IMMP2L: variants seen among roughly 807,000 people sequenced by gnomAD.
The protein encoded by IMMP2L is inner mitochondrial membrane peptidase subunit 2, also known as mitochondrial inner membrane protease subunit 2.
In IMMP2L, 18 loss-of-function variants were observed where a neutral mutation model predicts 19.3. That is an observed-to-expected ratio of 0.93 (90% CI 0.64 to 1.38). IMMP2L has a LOEUF of 1.38. Ranked by LOEUF, IMMP2L falls within the 40% of genes most tolerant of loss-of-function variation. IMMP2L has a pLI of 0.00. For missense variants in IMMP2L, 233 were observed against 218.2 expected (o/e 1.07, Z -0.43); for synonymous variants, 76 against 73.0 (o/e 1.04, Z -0.21).
intron 4 of IMMP2L, among the ~76,000 whole-genome samples, chr7:110,907,794 A>G (rs1812627908): frequency 6.6e-6 from 1 of 152,210 alleles, no homozygotes; most frequent in South Asian, 2.1e-4. Flanking sequence ...AATGTTTTAA[A>G]TGAAGGAGTA....
chr7:111,280,223 A>G (rs1359483661), intron 3 of IMMP2L, among the ~76,000 whole-genome samples: 4 of 152,112 alleles, frequency 2.6e-5, no homozygotes, highest in Non-Finnish European at 5.9e-5. Context: ...TTTTACAAGC[A>G]TGCCAAGCTC....
At chr7:110,952,666 G>A (rs1325682372) in intron 4 of IMMP2L, among the ~76,000 whole-genome samples, 1 of 152,136 alleles carries the variant, frequency 6.6e-6, no homozygotes, top group Non-Finnish European at 1.5e-5. Flanking sequence ...ATGTGGATAA[G>A]GATAAAGCTG....
At chr7:111,023,217 G>A (rs1032930296) in intron 3 of IMMP2L, among the ~76,000 whole-genome samples, 1 of 152,122 alleles carries the variant, frequency 6.6e-6, no homozygotes. Context: ...TAATGTAAGG[G>A]ATTATTGAAA....
chr7:111,404,932 A>C (rs747201942), intron 3 of IMMP2L, among the ~76,000 whole-genome samples: 2 of 152,066 alleles, frequency 1.3e-5, no homozygotes, highest in Non-Finnish European at 2.9e-5. Context: ...CTTAATTCCT[A>C]CTTCACCTTG....
At chr7:111,105,777 A>G (rs1029333169) in intron 3 of IMMP2L, among the ~76,000 whole-genome samples, 35 of 151,930 alleles carry the variant, frequency 2.3e-4, no homozygotes, top group African/African-American at 8.2e-4. Flanking sequence ...AAATCCATAA[A>G]AATATAAAAG....
At chr7:111,066,557 T>C (rs1327611081) in intron 3 of IMMP2L, among the ~76,000 whole-genome samples, 1 of 152,202 alleles carries the variant, frequency 6.6e-6, no homozygotes, top group Non-Finnish European at 1.5e-5. Flanking sequence ...ATGCTTTACA[T>C]TGGTTATCTC....
chr7:111,089,838 T>A (rs183203680), intron 3 of IMMP2L, among the ~76,000 whole-genome samples: 1 of 152,190 alleles, frequency 6.6e-6, no homozygotes, highest in Non-Finnish European at 1.5e-5. Flanking sequence ...ATTCAGTATT[T>A]AAAGACAAGC....
chr7:110,994,474 C>A (rs996883951), intron 3 of IMMP2L, among the ~76,000 whole-genome samples: 1 of 152,136 alleles, frequency 6.6e-6, no homozygotes, highest in African/African-American at 2.4e-5. Flanking sequence ...AGAACCCACA[C>A]GTAGCACTTC....
chr7:111,551,938 A>T (rs531771722), intron 1 of IMMP2L, among the ~76,000 whole-genome samples: 1 of 152,252 alleles, frequency 6.6e-6, no homozygotes, highest in Non-Finnish European at 1.5e-5. Context: ...GTACTAAAAG[A>T]GAAATACAAA....
At chr7:111,112,446 A>G in intron 3 of IMMP2L, among the ~76,000 whole-genome samples, 1 of 151,978 alleles carries the variant, frequency 6.6e-6, no homozygotes, top group Admixed American at 6.5e-5. Flanking sequence ...GAAAGAGCTC[A>G]TGTCCTGTAC....
rs116280479 is a variant in IMMP2L at position 110,884,788 on chromosome 7, A to T, written c.408+1805T>A. Among the ~76,000 whole-genome samples, 761 of 152,180 alleles carry T rather than the reference A, an allele frequency of 5.0e-3. 10 individuals carry two copies. The highest frequency in any genetic ancestry group is 0.018 in the African/African-American group (736 of 41,562). ...TAGTATACCTTACAAAAATTAGATTATATTTTTGTAATAATTACTATTCAA... is the reference window on the plus strand; with the variant it reads ...TAGTATACCTTACAAAAATTAGATTTTATTTTTGTAATAATTACTATTCAA... On this transcript the variant is annotated intron_variant, in intron 5 of 5. Coordinates refer to ENST00000405709, the MANE Select transcript of IMMP2L (RefSeq NM_032549.4).
At chr7:111,207,959 C>T (rs1039235383) in intron 3 of IMMP2L, among the ~76,000 whole-genome samples, 11 of 152,014 alleles carry the variant, frequency 7.2e-5, no homozygotes, top group African/African-American at 2.4e-4. Context: ...CTCGCTGTAC[C>T]CTATCATTAT....
chr7:111,517,263 A>T (rs184138084), intron 2 of IMMP2L, among the ~76,000 whole-genome samples: 4 of 152,084 alleles, frequency 2.6e-5, no homozygotes, highest in African/African-American at 9.7e-5. Context: ...AAAGACCTCA[A>T]TGCTAATTAA....
intron 3 of IMMP2L, among the ~76,000 whole-genome samples, chr7:111,193,578 G>C (rs1809140402): frequency 6.6e-6 from 1 of 151,958 alleles, no homozygotes; most frequent in Non-Finnish European, 1.5e-5. Context: ...GTGATTATTT[G>C]GGATTAAGGA....
intron 4 of IMMP2L, among the ~76,000 whole-genome samples, chr7:110,914,155 T>C (rs1174860632): frequency 6.6e-6 from 1 of 152,196 alleles, no homozygotes; most frequent in Non-Finnish European, 1.5e-5. Context: ...TGACTGTGCT[T>C]TGTCTTCAGT....
Position 110,971,213 on chromosome 7 carries a change from C to T in IMMP2L, c.240-7648G>A, listed in dbSNP as rs115611947. Among the ~76,000 whole-genome samples, 607 of 152,218 alleles carry T rather than the reference C, an allele frequency of 4.0e-3. 3 individuals carry two copies. The highest frequency in any genetic ancestry group is 0.013 in the African/African-American group (555 of 41,544). On this transcript the variant is annotated intron_variant, in intron 3 of 5. Transcript: ENST00000405709. Reference sequence around the variant, plus strand: ...CAGCTTGTGCCCAACACAGCTTACTCGCCAGTTTGCCATGATATCAGTGAT... The same window carrying T: ...CAGCTTGTGCCCAACACAGCTTACTTGCCAGTTTGCCATGATATCAGTGAT...
At chr7:111,363,719 T>C (rs188713259) in intron 3 of IMMP2L, among the ~76,000 whole-genome samples, 1 of 152,196 alleles carries the variant, frequency 6.6e-6, no homozygotes, top group East Asian at 1.9e-4. Flanking sequence ...TCTCCTGTTT[T>C]AAAACCTTCA....
intron 4 of IMMP2L, among the ~76,000 whole-genome samples, chr7:110,919,051 G>A (rs1305447853): frequency 6.6e-6 from 1 of 152,028 alleles, no homozygotes; most frequent in Non-Finnish European, 1.5e-5. Flanking sequence ...TCAAACAGCA[G>A]CAGCCACAGT....
At chr7:110,793,657 A>T (rs1800633598) in intron 5 of IMMP2L, among the ~76,000 whole-genome samples, 1 of 152,104 alleles carries the variant, frequency 6.6e-6, no homozygotes, top group South Asian at 2.1e-4. Context: ...AAGTCTAGAG[A>T]TGTAATGTAT....
Sources: allele counts gnomAD v4.1 joint callset (sites outside exome capture counted in the v4.1 genomes callset), GRCh38; gene constraint gnomAD v4.1.1; transcripts MANE v1.5; gene names NCBI Gene and HGNC (gene_info 2026-07-23, HGNC 2026-07-21).